Variants in PARD3B observed in about 807,000 individuals in gnomAD.
The protein encoded by PARD3B is par-3 family cell polarity regulator beta.
Under a neutral mutation model 130.2 loss-of-function variants are expected in PARD3B, and 103 were observed. The observed-to-expected ratio is 0.79, with a 90% CI of 0.67 to 0.93. The LOEUF is 0.93. Ranked by LOEUF, PARD3B falls within the 40% of genes least tolerant of loss-of-function variation. The pLI, the probability that PARD3B is intolerant of heterozygous loss-of-function variation, is 0.00. For missense variants in PARD3B, 1,609 were observed against 1,499.2 expected, an observed-to-expected ratio of 1.07 and a Z score of -1.21; for synonymous variants, 583 against 553.2, an observed-to-expected ratio of 1.05 and a Z score of -0.76.
At chr2:205,448,886 G>A (rs1372973259) in intron 20 of PARD3B, among the ~76,000 whole-genome samples, 2 of 152,176 alleles carry the variant, frequency 1.3e-5, no homozygotes, top group Non-Finnish European at 2.9e-5. Flanking sequence ...AGGAATTACG[G>A]TTGGGTGCCG....
At chr2:205,259,518 A>G (rs762786356) in intron 16 of PARD3B, among the ~76,000 whole-genome samples, 1 of 152,000 alleles carries the variant, frequency 6.6e-6, no homozygotes, top group Non-Finnish European at 1.5e-5. Context: ...GTTCACTTTC[A>G]CTACAGTCTA....
intron 4 of PARD3B, among the ~76,000 whole-genome samples, chr2:205,071,370 G>A (rs548123424): frequency 2.6e-5 from 4 of 152,224 alleles, no homozygotes; most frequent in Non-Finnish European, 2.9e-5. Context: ...ACCAAACTCC[G>A]GTCCTAGGTG....
intron 15 of PARD3B, among the ~76,000 whole-genome samples, chr2:205,207,950 A>T (rs1401233158): frequency 8.8e-6 from 1 of 114,192 alleles, no homozygotes; most frequent in African/African-American, 3.8e-5. Flanking sequence ...CTTGATAAAC[A>T]TTGATGCAAA....
At chr2:204,888,660 G>T (rs1342364109) in intron 2 of PARD3B, among the ~76,000 whole-genome samples, 1 of 151,062 alleles carries the variant, frequency 6.6e-6, no homozygotes, top group Non-Finnish European at 1.5e-5. Flanking sequence ...GAACCTGGGA[G>T]GTCAAGGCTG....
At chr2:204,674,246 C>T (rs1323707881) in intron 1 of PARD3B, among the ~76,000 whole-genome samples, 1 of 152,134 alleles carries the variant, frequency 6.6e-6, no homozygotes, top group Non-Finnish European at 1.5e-5. Context: ...ATTTATGATA[C>T]TTCCAGGGAA....
intron 3 of PARD3B, among the ~76,000 whole-genome samples, chr2:205,006,471 A>G (rs1483840948): frequency 6.6e-6 from 1 of 152,012 alleles, no homozygotes; most frequent in Admixed American, 6.6e-5. Flanking sequence ...ACCAACATCT[A>G]TTGTTTTTTG....
intron 1 of PARD3B, among the ~76,000 whole-genome samples, chr2:204,635,071 T>C (rs1406729885): frequency 6.6e-6 from 1 of 152,172 alleles, no homozygotes; most frequent in Non-Finnish European, 1.5e-5. Flanking sequence ...TCACAACACA[T>C]GAATATACCA....
intron 22 of PARD3B, among the ~76,000 whole-genome samples, chr2:205,565,394 T>G (rs1267011220): frequency 6.6e-6 from 1 of 152,158 alleles, no homozygotes; most frequent in Non-Finnish European, 1.5e-5. Context: ...ACAATTTATG[T>G]TAAATGTGCA....
At chr2:204,731,414 A>G (rs967937301) in intron 2 of PARD3B, among the ~76,000 whole-genome samples, 1 of 152,220 alleles carries the variant, frequency 6.6e-6, no homozygotes, top group Non-Finnish European at 1.5e-5. Context: ...GTTGGATTGC[A>G]TTTTATTAAC....
chr2:205,065,722 A>G (rs1700330118), intron 4 of PARD3B, among the ~76,000 whole-genome samples: 1 of 152,156 alleles, frequency 6.6e-6, no homozygotes, highest in Non-Finnish European at 1.5e-5. Flanking sequence ...TTATAAAGCC[A>G]GGATGCCCAA....
intron 1 of PARD3B, among the ~76,000 whole-genome samples, chr2:204,658,588 G>A (rs986887596): frequency 2.6e-5 from 4 of 152,086 alleles, no homozygotes; most frequent in African/African-American, 7.2e-5. Flanking sequence ...AAGGCAAAAA[G>A]TGTATAACCT....
At chr2:205,174,879 G>A (rs7571344) in intron 12 of PARD3B, among the ~76,000 whole-genome samples, 53,811 of 151,684 alleles carry the variant, frequency 0.35, 9,737 homozygotes, top group Middle Eastern at 0.49. Context: ...AATCAAAATT[G>A]TTTTAAACAG....
intron 10 of PARD3B, among the ~76,000 whole-genome samples, chr2:205,143,870 G>A (rs2033159178): frequency 6.6e-6 from 1 of 152,144 alleles, no homozygotes; most frequent in African/African-American, 2.4e-5. Flanking sequence ...AATAGAAAAT[G>A]TGATACCTAA....
In PARD3B at chr2:204,766,991, A is replaced by ATTTTT. The variant is rs141505640; in HGVS notation, c.222+80713_222+80714insTTTTT. 3.0e-5 allele frequency among the ~76,000 whole-genome samples: 3 copies of ATTTTT among 98,694 alleles called. 1 individual carries two copies. Among genetic ancestry groups the ATTTTT allele is most frequent in the Middle Eastern group, 0.011 (2 of 174 alleles). The allele number at this position is 98,694 out of a possible 152,430, so 64.7% of individuals were successfully genotyped here. ...TTTTTTTTTTTTTTTCACATTTTTTATTTTATTTTTTTATTTTTTTATTAT... is the reference window on the plus strand; with the variant it reads ...TTTTTTTTTTTTTTTCACATTTTTTATTTTTTTTTATTTTTTTATTTTTTTATTAT... On this transcript the variant is annotated intron_variant, in intron 2 of 22. Coordinates refer to ENST00000406610, the MANE Select transcript of PARD3B (RefSeq NM_001302769.2).
chr2:205,084,296 A>G (rs1358560664), intron 4 of PARD3B, among the ~76,000 whole-genome samples: 1 of 152,130 alleles, frequency 6.6e-6, no homozygotes, highest in Non-Finnish European at 1.5e-5. Context: ...GCCTTATGGT[A>G]TCATCTAAAT....
chr2:205,484,165 CATT>C (rs1370960640), intron 20 of PARD3B, among the ~76,000 whole-genome samples: 1 of 152,180 alleles, frequency 6.6e-6, no homozygotes, highest in East Asian at 1.9e-4. Context: ...TGTCAGTACT[CATT>C]AATTCTGTAA....
At chr2:204,616,303 G>A (rs898696052) in intron 1 of PARD3B, among the ~76,000 whole-genome samples, 1 of 152,098 alleles carries the variant, frequency 6.6e-6, no homozygotes, top group African/African-American at 2.4e-5. Flanking sequence ...ATTAAGAAAT[G>A]GGCCAAAGAC....
chr2:205,413,666 A>G (rs1191903156), intron 19 of PARD3B, among the ~76,000 whole-genome samples: 4 of 152,174 alleles, frequency 2.6e-5, no homozygotes, highest in Admixed American at 6.5e-5. Context: ...GACAGTGGAA[A>G]TGAATCATTG....
chr2:205,188,783 C>CAA (rs68034154), intron 14 of PARD3B, among the ~76,000 whole-genome samples: 40 of 97,358 alleles, frequency 4.1e-4, no homozygotes, highest in African/African-American at 1.3e-3. Context: ...TTCTGCCTTT[C>CAA]AAAAAAAAAA....
Sources: gnomAD v4.1 joint callset for allele counts (sites outside exome capture counted in the v4.1 genomes callset) on GRCh38, gnomAD v4.1.1 for gene constraint, MANE v1.5 for transcripts, NCBI Gene and HGNC (gene_info 2026-07-23, HGNC 2026-07-21) for gene names.